NRXN3: variants seen among roughly 807,000 people sequenced by gnomAD.
The protein encoded by NRXN3 is neurexin III.
NRXN3 carries 32 observed loss-of-function variants against 137.6 expected under a neutral mutation model. The observed-to-expected ratio is 0.23, with a 90% CI of 0.18 to 0.31. NRXN3 has a LOEUF of 0.31. Ranked by LOEUF, NRXN3 falls within the 10% of genes least tolerant of loss-of-function variation. The probability of loss-of-function intolerance (pLI) is 1.00; values close to 1 mark genes in which losing one functional copy is unlikely to be tolerated. For synonymous variants in NRXN3, 798 were observed against 784.5 expected, an observed-to-expected ratio of 1.02 and a Z score of -0.29; for missense variants, 1,574 against 2,062.5, an observed-to-expected ratio of 0.76 and a Z score of 4.59.
At chr14:79,770,806 AAACCCTTCAAAAAATT>A (rs2099075036) in intron 19 of NRXN3, among the ~76,000 whole-genome samples, 1 of 151,978 alleles carries the variant, frequency 6.6e-6, no homozygotes, top group Non-Finnish European at 1.5e-5. Context: ...GAGACACAAA[AAACCCTTCAAAAAATT>A]AATGAATCCA....
intron 15 of NRXN3, among the ~76,000 whole-genome samples, chr14:79,140,820 T>G (rs1462331114): frequency 6.6e-6 from 1 of 152,158 alleles, no homozygotes; most frequent in Non-Finnish European, 1.5e-5. Context: ...AACAAAACCT[T>G]GTCCTTATTA....
chr14:78,322,546 C>T (rs573886803), intron 4 of NRXN3, among the ~76,000 whole-genome samples: 8 of 152,100 alleles, frequency 5.3e-5, no homozygotes, highest in Non-Finnish European at 7.4e-5. Flanking sequence ...AATAAATCCT[C>T]CCTCAACTCT....
intron 2 of NRXN3, among the ~76,000 whole-genome samples, chr14:78,251,110 C>T (rs989359257): frequency 3.9e-5 from 6 of 152,126 alleles, no homozygotes; most frequent in East Asian, 1.9e-4. Context: ...TGCACCACAC[C>T]GGAGCTTCGC....
chr14:79,341,027 G>T (rs1280539065), intron 15 of NRXN3, among the ~76,000 whole-genome samples: 1 of 152,162 alleles, frequency 6.6e-6, no homozygotes, highest in African/African-American at 2.4e-5. Context: ...AATTAAAAGG[G>T]TTAATGGGAG....
At chr14:78,516,667 A>G (rs1331165703) in intron 4 of NRXN3, among the ~76,000 whole-genome samples, 1 of 152,082 alleles carries the variant, frequency 6.6e-6, no homozygotes, top group Non-Finnish European at 1.5e-5. Flanking sequence ...AGCTAATGTG[A>G]AAGATTTGGG....
intron 15 of NRXN3, among the ~76,000 whole-genome samples, chr14:79,119,268 T>G (rs2620397): frequency 0.028 from 4,337 of 152,264 alleles, 203 homozygotes; most frequent in African/African-American, 0.099. Context: ...AGGATTATAT[T>G]AGATTAATAC....
intron 4 of NRXN3, among the ~76,000 whole-genome samples, chr14:78,389,962 T>G (rs993203336): frequency 6.6e-6 from 1 of 152,194 alleles, no homozygotes; most frequent in Non-Finnish European, 1.5e-5. Context: ...TTTTCCAGCA[T>G]AAGTAATTCA....
chr14:78,401,466 A>G (rs1159942680), intron 4 of NRXN3, among the ~76,000 whole-genome samples: 1 of 152,124 alleles, frequency 6.6e-6, no homozygotes, highest in Admixed American at 6.6e-5. Context: ...CGTCTGGCCC[A>G]AAGGCCACTT....
At chr14:78,470,385 CA>C (rs1446037651) in intron 4 of NRXN3, among the ~76,000 whole-genome samples, 2 of 151,544 alleles carry the variant, frequency 1.3e-5, no homozygotes. Context: ...GAGCTATTAC[CA>C]AAGTTATTGC....
intron 4 of NRXN3, among the ~76,000 whole-genome samples, chr14:78,406,453 C>T (rs1435131368): frequency 3.9e-5 from 6 of 152,176 alleles, no homozygotes; most frequent in Non-Finnish European, 5.9e-5. Context: ...AGACAGGAGA[C>T]AGTTTATTCT....
At chr14:78,769,773 G>C (rs752989451) in intron 8 of NRXN3, among the ~76,000 whole-genome samples, 10 of 152,220 alleles carry the variant, frequency 6.6e-5, no homozygotes, top group Admixed American at 1.3e-4. Flanking sequence ...TTATGCTGAG[G>C]AGGTAGGCAT....
intron 4 of NRXN3, among the ~76,000 whole-genome samples, chr14:78,600,331 C>T (rs1366068732): frequency 6.6e-6 from 1 of 152,188 alleles, no homozygotes; most frequent in Non-Finnish European, 1.5e-5. Flanking sequence ...AGATATGTAT[C>T]TTACACTCAT....
At chr14:79,150,984 T>A (rs10220598) in intron 15 of NRXN3, among the ~76,000 whole-genome samples, 2 of 151,978 alleles carry the variant, frequency 1.3e-5, no homozygotes, top group South Asian at 4.1e-4. Context: ...TCGAGGGTCT[T>A]CTTGTCTCCA....
chr14:79,050,442 T>C (rs768975975), intron 15 of NRXN3, among the ~76,000 whole-genome samples: 1 of 152,192 alleles, frequency 6.6e-6, no homozygotes, highest in Non-Finnish European at 1.5e-5. Flanking sequence ...AACAGCACAG[T>C]GGTTGAAGCT....
intron 15 of NRXN3, among the ~76,000 whole-genome samples, chr14:79,196,261 A>G (rs1292132645): frequency 1.3e-5 from 2 of 152,210 alleles, no homozygotes; most frequent in African/African-American, 4.8e-5. Context: ...CCATAACAGA[A>G]TGCCCCAGAC....
Position 78,455,025 on chromosome 14 carries a change from G to A in NRXN3, c.757+157165G>A, listed in dbSNP as rs372034305. Among the ~76,000 whole-genome samples the A allele has an allele frequency of 3.2e-4, 49 of 152,314 alleles. 1 individual carries two copies. In the South Asian group the frequency reaches 8.7e-3, roughly 27 times the overall value. Reference sequence around the variant, plus strand: ...CTTGGCCTTGATGCTCACCCAGGTCGAGAGTAGTATCTTGCACTTTTTCTC... The same window carrying A: ...CTTGGCCTTGATGCTCACCCAGGTCAAGAGTAGTATCTTGCACTTTTTCTC... On this transcript the variant is annotated intron_variant, in intron 4 of 20. Coordinates refer to ENST00000335750, the MANE Select transcript of NRXN3 (RefSeq NM_001330195.2).
At chr14:79,624,096 A>G (rs953118679) in intron 16 of NRXN3, among the ~76,000 whole-genome samples, 4 of 152,102 alleles carry the variant, frequency 2.6e-5, no homozygotes, top group Non-Finnish European at 4.4e-5. Flanking sequence ...ACAAGAAATG[A>G]TTGCATTCCT....
At chr14:79,504,660 T>TATATATATATATATATAC (rs1466762151) in intron 16 of NRXN3, among the ~76,000 whole-genome samples, 10 of 141,570 alleles carry the variant, frequency 7.1e-5, no homozygotes, top group African/African-American at 2.6e-4. Flanking sequence ...TATATGTATA[T>TATATATATATATATATAC]ATATATATAT....
chr14:79,707,735 TCAGAA>T (rs2098786623), intron 19 of NRXN3, among the ~76,000 whole-genome samples: 1 of 152,146 alleles, frequency 6.6e-6, no homozygotes, highest in Non-Finnish European at 1.5e-5. Context: ...TGCTCTTTCC[TCAGAA>T]AAGAAAGTTT....
Sources: allele counts gnomAD v4.1 joint callset (sites outside exome capture counted in the v4.1 genomes callset), GRCh38; gene constraint gnomAD v4.1.1; transcripts MANE v1.5; gene names NCBI Gene and HGNC (gene_info 2026-07-23, HGNC 2026-07-21).